Variants in ATXN7L1 observed in about 807,000 individuals in gnomAD.
ATXN7L1 encodes ataxin-7-like protein 1.
A neutral mutation model predicts 70.8 loss-of-function variants in ATXN7L1; 15 were observed. That is an observed-to-expected ratio of 0.21 (90% CI 0.14 to 0.33). The LOEUF is 0.33. ATXN7L1 is among the 10% of genes least tolerant of loss of function. The pLI, the probability that ATXN7L1 is intolerant of heterozygous loss-of-function variation, is 1.00. For missense variants in ATXN7L1, 975 were observed against 1,097.1 expected (o/e 0.89, Z 1.57); for synonymous variants, 440 against 445.1 (o/e 0.99, Z 0.14).
intron 7 of ATXN7L1, among the ~76,000 whole-genome samples, chr7:105,626,361 G>A (rs117635984): frequency 0.021 from 3,221 of 152,254 alleles, 73 homozygotes; most frequent in Non-Finnish European, 0.034. Flanking sequence ...TGGAAGGAGC[G>A]GGGAATAGGG....
At position 105,733,572 on chromosome 7, in the gene ATXN7L1, A is replaced by T. The variant is rs1258792494; in HGVS notation, c.355+55032T>A. On this transcript the variant is annotated intron_variant, in intron 3 of 11. Coordinates refer to ENST00000419735, the MANE Select transcript of ATXN7L1 (RefSeq NM_020725.2). The stretch of plus-strand genomic sequence containing the variant: ...CATCCATCCACCCATCCATCCTTCC[A>T]TCCATCCACCCATCCATCCATCCAT... 9.5e-4 allele frequency among the ~76,000 whole-genome samples: 127 copies of T among 133,176 alleles called. 6 individuals are homozygous for T. The highest frequency in any genetic ancestry group is 3.5e-3 in the African/African-American group (117 of 33,680). 87.4% of individuals were successfully genotyped at this position (133,176 alleles called of 152,430 possible).
intron 2 of ATXN7L1, among the ~76,000 whole-genome samples, chr7:105,860,565 T>G (rs1440326513): frequency 1.3e-5 from 2 of 152,180 alleles, no homozygotes; most frequent in Admixed American, 6.5e-5. Context: ...ATCTCCAGAC[T>G]GACTTTTTAA....
intron 3 of ATXN7L1, among the ~76,000 whole-genome samples, chr7:105,704,643 G>T (rs1792914548): frequency 7.0e-6 from 1 of 142,986 alleles, no homozygotes; most frequent in African/African-American, 2.6e-5. Context: ...GCCCAGGCTG[G>T]AGTGCAGTGG....
At chr7:105,788,259 G>T in intron 3 of ATXN7L1, 1 of 233,692 alleles carries the variant, frequency 4.3e-6, no homozygotes, top group Non-Finnish European at 8.6e-6. Context: ...CTCTTTCAGG[G>T]GGAGAAAATG....
Position 105,614,655 on chromosome 7 carries a change from G to A in ATXN7L1, c.1679C>T (p.Ser560Leu), listed in dbSNP as rs1204080851. The change falls in exon 10 of 12, where the codon TCA (serine) becomes TTA (leucine). Residue 560 changes from serine (S) to leucine (L), a missense_variant. Ser to Leu is a moderately radical substitution (Grantham distance 145). Coordinates refer to ENST00000419735, the MANE Select transcript of ATXN7L1 (RefSeq NM_020725.2). This position sits in a 1 kb window ranked among gnomAD's most constrained non-coding sequence, Gnocchi z 4.3. ...SRLTSSYIMT[S>L]AMLSNAAFVT... ...GAAAGCTGCGTTTGAGAGCATGGCT[G>A]ATGTCATTATGTAAGAAGAGGTGAG... 6.4e-7 allele frequency: 1 copy of A among 1,551,654 alleles called. No individual in the cohort carries two copies. Among genetic ancestry groups the A allele is most frequent in the Non-Finnish European group, 8.7e-7 (1 of 1,147,032 alleles).
chr7:105,669,958 A>G (rs757725538), intron 3 of ATXN7L1, among the ~76,000 whole-genome samples: 11 of 151,940 alleles, frequency 7.2e-5, no homozygotes, highest in Admixed American at 1.3e-4. Flanking sequence ...GGAGGGACCA[A>G]TAGAGTCAGT....
At chr7:105,835,233 T>C (rs1812206762) in intron 2 of ATXN7L1, among the ~76,000 whole-genome samples, 1 of 140,344 alleles carries the variant, frequency 7.1e-6, no homozygotes, top group African/African-American at 2.6e-5. Flanking sequence ...TGGCTCACTG[T>C]AACCTCTGCA....
intron 3 of ATXN7L1, among the ~76,000 whole-genome samples, chr7:105,782,401 TAA>T (rs1473432849): frequency 1.3e-5 from 2 of 152,194 alleles, no homozygotes; most frequent in Admixed American, 6.5e-5. Context: ...GGGAGAAGTT[TAA>T]AAAGTGTCTA....
At chr7:105,663,359 A>T (rs1216954815) in intron 4 of ATXN7L1, among the ~76,000 whole-genome samples, 1 of 152,218 alleles carries the variant, frequency 6.6e-6, no homozygotes, top group African/African-American at 2.4e-5. Flanking sequence ...CCATCACAAG[A>T]GGCTCTGTAA....
intron 3 of ATXN7L1, among the ~76,000 whole-genome samples, chr7:105,727,838 GA>G (rs1796094905): frequency 7.5e-6 from 1 of 133,890 alleles, no homozygotes; most frequent in African/African-American, 2.8e-5. Context: ...TTATATATAT[GA>G]ATATAAATGT....
chr7:105,829,811 A>C (rs1253435469), intron 2 of ATXN7L1, among the ~76,000 whole-genome samples: 1 of 152,268 alleles, frequency 6.6e-6, no homozygotes, highest in Non-Finnish European at 1.5e-5. Context: ...ACAAGCACTT[A>C]ACAACTGGAT....
chr7:105,788,270 T>C (rs912099554), intron 3 of ATXN7L1: 4 of 241,258 alleles, frequency 1.7e-5, no homozygotes, highest in Non-Finnish European at 3.3e-5. Context: ...GGAGAAAATG[T>C]CTGGCTGCAG....
intron 3 of ATXN7L1, among the ~76,000 whole-genome samples, chr7:105,772,821 A>T (rs941405527): frequency 6.6e-6 from 1 of 152,248 alleles, no homozygotes; most frequent in African/African-American, 2.4e-5. Flanking sequence ...AAATTTTCTA[A>T]TAATACATGA....
chr7:105,798,223 C>T (rs1206730347), intron 2 of ATXN7L1, among the ~76,000 whole-genome samples: 1 of 152,182 alleles, frequency 6.6e-6, no homozygotes, highest in Non-Finnish European at 1.5e-5. Flanking sequence ...GAAAGCTGTT[C>T]CTTCCCCCCA....
intron 3 of ATXN7L1, among the ~76,000 whole-genome samples, chr7:105,735,653 C>T (rs1158806728): frequency 6.6e-6 from 1 of 152,126 alleles, no homozygotes. Flanking sequence ...TTAATCTATT[C>T]CCACCCCCTA....
rs188286219 is a variant in ATXN7L1, at chr7:105,875,934, A to T, written c.182-54T>A. 2.2e-4 allele frequency: 338 copies of T among 1,526,206 alleles called. 2 individuals carry two copies. In the East Asian group the frequency reaches 5.9e-3, roughly 27 times the overall value. 94.5% of individuals were successfully genotyped at this position (1,526,206 alleles called of 1,614,324 possible). On this transcript the variant is annotated intron_variant, in intron 1 of 11. Coordinates refer to ENST00000419735, the MANE Select transcript of ATXN7L1 (RefSeq NM_020725.2). ...AAAATAAGGAAAAAAGGGGGGAAAA[A>T]AGCCAAAGTCAAGGGGGGAGGGAGA...
chr7:105,669,074 T>G (rs956339368), intron 3 of ATXN7L1, among the ~76,000 whole-genome samples: 2 of 152,066 alleles, frequency 1.3e-5, no homozygotes, highest in Non-Finnish European at 2.9e-5. Context: ...GTGGATAAGC[T>G]TTTTTCTTGG....
chr7:105,763,892 C>T (rs570222348), intron 3 of ATXN7L1, among the ~76,000 whole-genome samples: 9 of 151,952 alleles, frequency 5.9e-5, no homozygotes, highest in Admixed American at 5.9e-4. Context: ...CTTGCTCTGT[C>T]ACCCAGGTTG....
chr7:105,616,958 A>G (rs1191363617), intron 9 of ATXN7L1, among the ~76,000 whole-genome samples: 1 of 152,230 alleles, frequency 6.6e-6, no homozygotes, highest in African/African-American at 2.4e-5. Flanking sequence ...TGGAATAAAA[A>G]GTTATTTACA....
Sources: allele counts gnomAD v4.1 joint callset (sites outside exome capture counted in the v4.1 genomes callset), GRCh38; gene constraint gnomAD v4.1.1; non-coding constraint Gnocchi (gnomAD v3.1); transcripts MANE v1.5; gene names NCBI Gene and HGNC (gene_info 2026-07-23, HGNC 2026-07-21).